Variants in NCOA1 observed in about 807,000 individuals in gnomAD.
NCOA1 encodes Hin-2 protein.
In NCOA1, 35 loss-of-function variants were observed where a neutral mutation model predicts 150.9. The observed-to-expected ratio is 0.23, with a 90% confidence interval of 0.18 to 0.31. The LOEUF (loss-of-function observed/expected upper bound fraction) is 0.31. NCOA1 is among the 10% of genes least tolerant of loss of function. NCOA1 has a pLI of 1.00. For synonymous variants in NCOA1, 590 were observed against 630.0 expected (o/e 0.94, Z 0.95); for missense variants, 1,491 against 1,749.3 (o/e 0.85, Z 2.63).
At chr2:24,700,919 GA>G (rs1673126369) in intron 11 of NCOA1, among the ~76,000 whole-genome samples, 1 of 152,166 alleles carries the variant, frequency 6.6e-6, no homozygotes, top group African/African-American at 2.4e-5. Context: ...ACTAGGAAAT[GA>G]TGTTTTATGG....
intron 11 of NCOA1, among the ~76,000 whole-genome samples, chr2:24,704,354 T>TA (rs200217898): frequency 1.3e-3 from 198 of 151,260 alleles, no homozygotes; most frequent in African/African-American, 4.3e-3. Flanking sequence ...AGCTGTTATT[T>TA]AAAAAAAAAC....
At chr2:24,691,259 A>G (rs1004907218) in intron 8 of NCOA1, among the ~76,000 whole-genome samples, 7 of 152,138 alleles carry the variant, frequency 4.6e-5, no homozygotes, top group African/African-American at 1.7e-4. Flanking sequence ...GATCATACGT[A>G]TTTTCTTGGA....
At chr2:24,753,485 T>C (rs1427614578) in intron 20 of NCOA1, among the ~76,000 whole-genome samples, 1 of 152,220 alleles carries the variant, frequency 6.6e-6, no homozygotes, top group African/African-American at 2.4e-5. Flanking sequence ...TACTCCTTGT[T>C]GAACTAATCA....
intron 3 of NCOA1, among the ~76,000 whole-genome samples, chr2:24,589,601 G>A (rs1022398734): frequency 1.3e-5 from 2 of 151,788 alleles, no homozygotes; most frequent in South Asian, 4.2e-4. Flanking sequence ...CTTCTGTTGA[G>A]TAGGCATAGG....
chr2:24,671,162 A>G (rs1671663951), intron 6 of NCOA1, among the ~76,000 whole-genome samples: 5 of 152,230 alleles, frequency 3.3e-5, no homozygotes, highest in Admixed American at 2.0e-4. Context: ...CAGATTATTT[A>G]TATAATATAA....
chr2:24,581,100 G>A (rs181666683), intron 2 of NCOA1, among the ~76,000 whole-genome samples: 29 of 152,294 alleles, frequency 1.9e-4, no homozygotes, highest in African/African-American at 4.6e-4. Flanking sequence ...TCCCTGGCTG[G>A]GAGGGGCAGG....
rs70947837 is a variant in NCOA1, at chr2:24,690,651, C to CAAAAAAAAAAAAAAAAAAAAAAAAAAAA, written c.533-803_533-802insAAAAAAAAAAAAAAAAAAAAAAAAAAAA. Among the ~76,000 whole-genome samples, 8 of 38,444 alleles carry CAAAAAAAAAAAAAAAAAAAAAAAAAAAA rather than the reference C, an allele frequency of 2.1e-4. 1 individual carries two copies. Among genetic ancestry groups the CAAAAAAAAAAAAAAAAAAAAAAAAAAAA allele is most frequent in the Non-Finnish European group, 2.5e-4 (6 of 24,000 alleles). 25.2% of individuals were successfully genotyped at this position (38,444 alleles called of 152,430 possible). ...TGGGTGACAAAGTGAGATTCCATCT[C>CAAAAAAAAAAAAAAAAAAAAAAAAAAAA]AAAAAAAAAAAAAAAAAAAAAAAAA... is the stretch of plus-strand genomic sequence containing the variant. On this transcript the variant is annotated intron_variant, in intron 8 of 22. Coordinates refer to ENST00000348332, the MANE Select transcript of NCOA1 (RefSeq NM_003743.5).
At chr2:24,641,225 A>G (rs1199939078) in intron 3 of NCOA1, among the ~76,000 whole-genome samples, 5 of 151,598 alleles carry the variant, frequency 3.3e-5, no homozygotes, top group African/African-American at 1.2e-4. Flanking sequence ...GCCTTGCAAC[A>G]GTGTAATTGC....
chr2:24,538,000 C>T (rs1264915066), intron 1 of NCOA1, among the ~76,000 whole-genome samples: 1 of 152,154 alleles, frequency 6.6e-6, no homozygotes, highest in African/African-American at 2.4e-5. Flanking sequence ...TAATCCCACA[C>T]TTATGGAAGT....
At chr2:24,628,455 T>C (rs1473748099) in intron 3 of NCOA1, among the ~76,000 whole-genome samples, 5 of 152,236 alleles carry the variant, frequency 3.3e-5, no homozygotes, top group African/African-American at 4.8e-5. Context: ...ATTGTTGAAT[T>C]AGAGCAGGTT....
intron 20 of NCOA1, among the ~76,000 whole-genome samples, chr2:24,753,086 G>C (rs1360424656): frequency 1.3e-5 from 2 of 152,212 alleles, no homozygotes; most frequent in Non-Finnish European, 2.9e-5. Context: ...CTTCATGTTA[G>C]AGAACTGTGT....
At chr2:24,525,409 A>G (rs1304508475) in intron 1 of NCOA1, among the ~76,000 whole-genome samples, 15 of 152,224 alleles carry the variant, frequency 9.9e-5, no homozygotes, top group Non-Finnish European at 7.3e-5. Context: ...CAAGGGTGGC[A>G]TATTAAGGAT....
intron 22 of NCOA1, among the ~76,000 whole-genome samples, chr2:24,763,231 C>T (rs1664871848): frequency 6.6e-6 from 1 of 152,138 alleles, no homozygotes; most frequent in South Asian, 2.1e-4. Context: ...GGCCACTTTC[C>T]TATATTAACC....
chr2:24,684,324 C>T (rs1672308754), intron 8 of NCOA1, among the ~76,000 whole-genome samples: 2 of 152,146 alleles, frequency 1.3e-5, no homozygotes, highest in South Asian at 4.1e-4. Context: ...TAGCAGCCTT[C>T]CTGGTTGGAA....
At chr2:24,627,179 C>A (rs1669462610) in intron 3 of NCOA1, among the ~76,000 whole-genome samples, 1 of 147,360 alleles carries the variant, frequency 6.8e-6, no homozygotes, top group Non-Finnish European at 1.5e-5. Flanking sequence ...CATTCCTCAC[C>A]CCCTACCCCC....
intron 1 of NCOA1, among the ~76,000 whole-genome samples, chr2:24,508,041 C>G (rs1432831975): frequency 6.6e-6 from 1 of 152,094 alleles, no homozygotes; most frequent in African/African-American, 2.4e-5. Flanking sequence ...TAGCTACTTC[C>G]TCATGACAAG....
chr2:24,615,984 T>A (rs1175137371), intron 3 of NCOA1, among the ~76,000 whole-genome samples: 2 of 152,240 alleles, frequency 1.3e-5, no homozygotes, highest in Non-Finnish European at 2.9e-5. Flanking sequence ...ATTAAGAGCC[T>A]ACTTTTAGGT....
intron 7 of NCOA1, among the ~76,000 whole-genome samples, chr2:24,677,247 C>T (rs1211440364): frequency 6.6e-6 from 1 of 152,014 alleles, no homozygotes; most frequent in Non-Finnish European, 1.5e-5. Flanking sequence ...AGGAGGCTGA[C>T]ACAGGAGAAT....
intron 11 of NCOA1, among the ~76,000 whole-genome samples, chr2:24,702,143 T>G (rs1673194559): frequency 6.6e-6 from 1 of 152,236 alleles, no homozygotes; most frequent in Non-Finnish European, 1.5e-5. Context: ...TTGTGTAATG[T>G]GATTAAGTCC....
Sources: gnomAD v4.1 joint callset for allele counts (sites outside exome capture counted in the v4.1 genomes callset) on GRCh38, gnomAD v4.1.1 for gene constraint, MANE v1.5 for transcripts, NCBI Gene and HGNC (gene_info 2026-07-23, HGNC 2026-07-21) for gene names.